PNPT1: variants seen among roughly 807,000 people sequenced by gnomAD.
PNPT1 encodes polyribonucleotide nucleotidyltransferase 1, mitochondrial.
Under a neutral mutation model 119.5 loss-of-function variants are expected in PNPT1, and 53 were observed. The observed-to-expected ratio is 0.44, with a 90% CI of 0.36 to 0.56. PNPT1 has a LOEUF of 0.56. Among genes scored for constraint, PNPT1 ranks in the 20% least tolerant of loss-of-function variants. The pLI is 0.00. For missense variants in PNPT1, 948 were observed against 938.5 expected (o/e 1.01, Z -0.13); for synonymous variants, 357 against 322.1 (o/e 1.11, Z -1.16).
chr2:55,684,239 TC>T (rs1478330323), intron 4 of PNPT1, among the ~76,000 whole-genome samples: 1 of 152,200 alleles, frequency 6.6e-6, no homozygotes, highest in East Asian at 1.9e-4. Context: ...ACGCCTGCAA[TC>T]CCAGCACTTG....
At chr2:55,680,970 T>G (rs771494316) in intron 5 of PNPT1, 52 bp from the exon 6 acceptor site, 28 of 1,439,282 alleles carry the variant, frequency 1.9e-5, no homozygotes, top group Non-Finnish European at 2.3e-5. Context: ...TAGGTTAACA[T>G]CCTGACCTAA....
At chr2:55,679,220 C>G (rs1307396728) in intron 8 of PNPT1, among the ~76,000 whole-genome samples, 1 of 152,084 alleles carries the variant, frequency 6.6e-6, no homozygotes, top group Non-Finnish European at 1.5e-5. Flanking sequence ...AGTTTTCCAC[C>G]TAGTAGAAAT....
At chr2:55,681,347 C>T (rs889527846) in intron 5 of PNPT1, among the ~76,000 whole-genome samples, 12 of 152,072 alleles carry the variant, frequency 7.9e-5, no homozygotes, top group Admixed American at 6.5e-4. Flanking sequence ...GCAGAGGTTG[C>T]AGTGAGCTGA....
At chr2:55,693,386 C>G (rs1195370462) in intron 1 of PNPT1, among the ~76,000 whole-genome samples, 1 of 152,122 alleles carries the variant, frequency 6.6e-6, no homozygotes, top group Non-Finnish European at 1.5e-5. Flanking sequence ...GCCCAGTGGT[C>G]CCGGAAAGTA....
At chr2:55,661,922 A>C (rs773916078) in intron 14 of PNPT1, 34 bp downstream of exon 14, 1 of 1,512,952 alleles carries the variant, frequency 6.6e-7, no homozygotes, top group Non-Finnish European at 8.9e-7. Flanking sequence ...AGAACATCAT[A>C]AAACGTAACA....
At chr2:55,686,770 T>C (rs1388948029) in intron 2 of PNPT1, among the ~76,000 whole-genome samples, 1 of 152,162 alleles carries the variant, frequency 6.6e-6, no homozygotes, top group Non-Finnish European at 1.5e-5. Flanking sequence ...TCACTTTCTC[T>C]AGAAAAGCAC....
At chr2:55,677,253 G>A (rs1697102547) in intron 8 of PNPT1, among the ~76,000 whole-genome samples, 1 of 152,226 alleles carries the variant, frequency 6.6e-6, no homozygotes. Flanking sequence ...GAGCCAGCTG[G>A]AAGTTGGCCT....
chr2:55,677,688 G>C (rs1396185620), intron 8 of PNPT1, among the ~76,000 whole-genome samples: 3 of 149,682 alleles, frequency 2.0e-5, no homozygotes, highest in African/African-American at 4.9e-5. Context: ...AAGGTAGATA[G>C]TGGCTATATG....
At position 55,672,867 on chromosome 2, in the gene PNPT1, A is replaced by C. The variant is rs985321268; in HGVS notation, c.866+26T>G. ...AAATTAAATCTGATGACAATTTCATATTTTCATTTGCACAGATGTTCTTAC... is the reference window on the plus strand; with the variant it reads ...AAATTAAATCTGATGACAATTTCATCTTTTCATTTGCACAGATGTTCTTAC... On this transcript the variant is annotated intron_variant, in intron 9 of 27. Coordinates refer to ENST00000447944, the MANE Select transcript of PNPT1 (RefSeq NM_033109.5). 5 of 1,548,670 alleles carry C rather than the reference A, an allele frequency of 3.2e-6. No individual in the cohort carries two copies. In the African/African-American group the frequency reaches 5.6e-5, roughly 17 times the overall value.
chr2:55,674,430 A>G (rs1479027571), intron 8 of PNPT1, among the ~76,000 whole-genome samples: 10 of 152,210 alleles, frequency 6.6e-5, no homozygotes, highest in African/African-American at 2.2e-4. Flanking sequence ...CTGTCTCTAT[A>G]AAAAATGAAA....
At chr2:55,666,666 C>T (rs1397015828) in intron 13 of PNPT1, among the ~76,000 whole-genome samples, 1 of 152,054 alleles carries the variant, frequency 6.6e-6, no homozygotes, top group African/African-American at 2.4e-5. Flanking sequence ...ATAGTAAGAC[C>T]TTGTCTCTAC....
Position 55,643,223 on chromosome 2 carries a change from CA to C in PNPT1, c.2014-11del. ...CTAATTGCTGCTCCTGCTGTAAGTG[CA>C]AAATAAGCCATAAGATTCATAAAGA... On this transcript the variant is annotated splice_polypyrimidine_tract_variant and intron_variant, in intron 24 of 27. Transcript: ENST00000447944. 3 of 1,614,000 alleles carry C rather than the reference CA, an allele frequency of 1.9e-6. No homozygotes were observed. In the South Asian group the frequency reaches 3.3e-5, roughly 18 times the overall value.
intron 11 of PNPT1, among the ~76,000 whole-genome samples, chr2:55,669,842 T>C (rs985016651): frequency 1.5e-4 from 23 of 150,738 alleles, no homozygotes; most frequent in African/African-American, 5.6e-4. Context: ...CACTACAACC[T>C]CTGCCTAACA....
chr2:55,657,789 A>G (rs1324232060), intron 15 of PNPT1, among the ~76,000 whole-genome samples: 1 of 141,448 alleles, frequency 7.1e-6, no homozygotes. Context: ...ATGAGTGTAC[A>G]ATCAGCAACA....
At chr2:55,676,627 T>C (rs1697081409) in intron 8 of PNPT1, among the ~76,000 whole-genome samples, 1 of 152,154 alleles carries the variant, frequency 6.6e-6, no homozygotes, top group Non-Finnish European at 1.5e-5. Context: ...TTCGGGAGGC[T>C]GAGGCAGGTG....
chr2:55,645,680 A>G (rs1291726683), intron 21 of PNPT1, among the ~76,000 whole-genome samples: 2 of 152,142 alleles, frequency 1.3e-5, no homozygotes, highest in Admixed American at 6.6e-5. Flanking sequence ...ATGTGTCCCA[A>G]AAACTTAGTT....
intron 13 of PNPT1, among the ~76,000 whole-genome samples, chr2:55,666,287 C>G (rs1696727954): frequency 6.6e-6 from 1 of 152,094 alleles, no homozygotes; most frequent in South Asian, 2.1e-4. Flanking sequence ...GAGACAGGGT[C>G]TGGCTTGGTA....
At chr2:55,685,974 C>A (rs1697394264) in intron 3 of PNPT1, among the ~76,000 whole-genome samples, 1 of 152,070 alleles carries the variant, frequency 6.6e-6, no homozygotes. Context: ...AGTACAGATG[C>A]AATTTTTCCC....
intron 9 of PNPT1, 84 bp downstream of exon 9, chr2:55,672,809 A>G: frequency 7.9e-7 from 1 of 1,263,318 alleles, no homozygotes; most frequent in Non-Finnish European, 1.1e-6. Flanking sequence ...ATGCATGGGC[A>G]GTGCTTCCAT....
Sources: gnomAD v4.1 joint callset for allele counts (sites outside exome capture counted in the v4.1 genomes callset) on GRCh38, gnomAD v4.1.1 for gene constraint, MANE v1.5 for transcripts, NCBI Gene and HGNC (gene_info 2026-07-23, HGNC 2026-07-21) for gene names.